PRIM2: variants seen among roughly 807,000 people sequenced by gnomAD.
PRIM2 encodes DNA primase subunit 2, also known as DNA primase large subunit.
PRIM2 carries 39 observed loss-of-function variants against 67.3 expected under a neutral mutation model. That is an observed-to-expected ratio of 0.58 (90% CI 0.45 to 0.76). The LOEUF is 0.76. Ranked by LOEUF, PRIM2 falls within the 30% of genes least tolerant of loss-of-function variation. The probability of loss-of-function intolerance (pLI) is 0.00; values close to 1 mark genes in which losing one functional copy is unlikely to be tolerated. For missense variants in PRIM2, 398 were observed against 598.7 expected (o/e 0.66, Z 3.50); for synonymous variants, 143 against 198.7 (o/e 0.72, Z 2.36).
At chr6:57,399,157 A>G (rs983613471) in intron 7 of PRIM2, among the ~76,000 whole-genome samples, 3 of 152,102 alleles carry the variant, frequency 2.0e-5, no homozygotes, top group African/African-American at 7.2e-5. Context: ...CATCATTTAC[A>G]TTAGGTATAT....
chr6:57,510,477 T>A (rs1774340937), intron 8 of PRIM2, among the ~76,000 whole-genome samples: 1 of 152,180 alleles, frequency 6.6e-6, no homozygotes, highest in Non-Finnish European at 1.5e-5. Flanking sequence ...AATTGCCAGC[T>A]AGAATTTAGA....
At chr6:57,526,493 T>G (rs1169543039) in intron 8 of PRIM2, among the ~76,000 whole-genome samples, 5 of 152,208 alleles carry the variant, frequency 3.3e-5, no homozygotes, top group African/African-American at 9.7e-5. Context: ...TTTTTCAAGA[T>G]TCTCTGATTA....
intron 12 of PRIM2, among the ~76,000 whole-genome samples, chr6:57,617,842 A>G (rs1776782742): frequency 6.6e-6 from 1 of 152,190 alleles, no homozygotes; most frequent in Non-Finnish European, 1.5e-5. Flanking sequence ...ATTGACATCT[A>G]TGGCTTTGTA....
chr6:57,258,457 TA>T, the PRIM2 span, among the ~76,000 whole-genome samples: 1 of 152,154 alleles, frequency 6.6e-6, no homozygotes, highest in African/African-American at 2.4e-5. Context: ...TTGTCAGCTT[TA>T]AAAGGAAGAG....
At chr6:57,644,582 T>A (rs1777300729) in intron 13 of PRIM2, among the ~76,000 whole-genome samples, 1 of 152,226 alleles carries the variant, frequency 6.6e-6, no homozygotes, top group Non-Finnish European at 1.5e-5. Flanking sequence ...AGGCTTTAAT[T>A]AAATATGCAA....
chr6:57,330,907 G>A (rs1768035139), intron 5 of PRIM2, among the ~76,000 whole-genome samples: 4 of 152,088 alleles, frequency 2.6e-5, no homozygotes, highest in African/African-American at 9.7e-5. Flanking sequence ...GTTGGGCCGG[G>A]CGCGGTGGCT....
At chr6:57,431,549 C>G (rs72873544) in intron 7 of PRIM2, among the ~76,000 whole-genome samples, 1 of 151,740 alleles carries the variant, frequency 6.6e-6, no homozygotes, top group East Asian at 1.9e-4. Context: ...TTGGGGGGCT[C>G]AGGTAAGAGG....
At chr6:57,496,811 C>A (rs1382143046) in intron 7 of PRIM2, among the ~76,000 whole-genome samples, 1 of 151,976 alleles carries the variant, frequency 6.6e-6, no homozygotes, top group Non-Finnish European at 1.5e-5. Flanking sequence ...TTTTTAGAGT[C>A]TTTGCATAAA....
At chr6:57,269,899 A>G in the PRIM2 span, among the ~76,000 whole-genome samples, 6 of 152,154 alleles carry the variant, frequency 3.9e-5, no homozygotes, top group Admixed American at 3.9e-4. Flanking sequence ...TCCTTTCCCC[A>G]TTGCTTGTTT....
chr6:57,455,669 C>A (rs1772745473), intron 7 of PRIM2, among the ~76,000 whole-genome samples: 2 of 152,080 alleles, frequency 1.3e-5, no homozygotes, highest in Non-Finnish European at 2.9e-5. Context: ...TTATTTTGAG[C>A]CTATATGTGT....
the PRIM2 span, among the ~76,000 whole-genome samples, chr6:57,234,249 A>T: frequency 2.0e-5 from 3 of 152,238 alleles, no homozygotes; most frequent in African/African-American, 7.2e-5. Context: ...AATTAAAAAT[A>T]GATGTGTAGT....
chr6:57,314,107 T>C (rs1767435737), upstream of PRIM2, among the ~76,000 whole-genome samples: 1 of 152,212 alleles, frequency 6.6e-6, no homozygotes, highest in African/African-American at 2.4e-5. Context: ...GTGTATAATG[T>C]TTTCAGATGA....
At chr6:57,586,969 C>A (rs1366041763) in intron 10 of PRIM2, 3 of 152,132 alleles carry the variant, frequency 2.0e-5, no homozygotes, top group Non-Finnish European at 4.4e-5. Context: ...CCCACAAGAT[C>A]CAAAAACCTC....
At chr6:57,360,165 C>T (rs951111791) in intron 5 of PRIM2, among the ~76,000 whole-genome samples, 4 of 152,098 alleles carry the variant, frequency 2.6e-5, no homozygotes, top group Non-Finnish European at 5.9e-5. Context: ...CAATTTAGCT[C>T]AGATGGTGAA....
chr6:57,383,299 T>G (rs1770023228), intron 7 of PRIM2: 2 of 152,058 alleles, frequency 1.3e-5, no homozygotes, highest in Admixed American at 6.6e-5. Flanking sequence ...TGTTGACATT[T>G]TAGACCACAC....
At chr6:57,349,035 A>G (rs1173385854) in intron 5 of PRIM2, among the ~76,000 whole-genome samples, 1 of 152,106 alleles carries the variant, frequency 6.6e-6, no homozygotes, top group Non-Finnish European at 1.5e-5. Flanking sequence ...GTGAGACACC[A>G]TGCCTGGCCT....
chr6:57,442,854 A>T (rs1468099714), intron 7 of PRIM2, among the ~76,000 whole-genome samples: 5 of 152,096 alleles, frequency 3.3e-5, no homozygotes, highest in Non-Finnish European at 7.4e-5. Context: ...TATATTCATC[A>T]TGCTGTGCAA....
the PRIM2 span, among the ~76,000 whole-genome samples, chr6:57,297,048 C>A: frequency 2.4e-4 from 37 of 152,080 alleles, no homozygotes; most frequent in South Asian, 7.7e-3. Context: ...CTGATACAAA[C>A]AATTGAATAA....
rs1238835365 is a variant in PRIM2, at chr6:57,626,515, G to GA, written c.1231-5608dup. Among the ~76,000 whole-genome samples the GA allele has an allele frequency of 2.5e-3, 360 of 144,674 alleles. 2 individuals carry two copies. The highest frequency in any genetic ancestry group is 8.5e-3 in the African/African-American group (334 of 39,420). 94.9% of individuals were successfully genotyped at this position (144,674 alleles called of 152,430 possible). Reference sequence around the variant, plus strand: ...GGTGCTTTACTAGAATTCTCTTACAGAAAAAAAAAATCAGTAATTCATCTT... The same window carrying GA: ...GGTGCTTTACTAGAATTCTCTTACAGAAAAAAAAAAATCAGTAATTCATCTT... On this transcript the variant is annotated intron_variant, in intron 12 of 13. Transcript: ENST00000615550.
Sources: gnomAD v4.1 joint callset for allele counts (sites outside exome capture counted in the v4.1 genomes callset) on GRCh38, gnomAD v4.1.1 for gene constraint, MANE v1.5 for transcripts, NCBI Gene and HGNC (gene_info 2026-07-23, HGNC 2026-07-21) for gene names.